CLYBL: variants seen among roughly 807,000 people sequenced by gnomAD.
CLYBL encodes the protein citramalyl-CoA lyase.
Under a neutral mutation model 38.9 loss-of-function variants are expected in CLYBL, and 31 were observed. The ratio of observed to expected loss-of-function variants is 0.80; its 90% CI spans 0.60 to 1.08. The LOEUF (loss-of-function observed/expected upper bound fraction) is 1.08, where lower values mean the gene tolerates loss of function less well. CLYBL is among the 50% of genes least tolerant of loss of function. CLYBL has a pLI of 0.00. For synonymous variants in CLYBL, 171 were observed against 158.6 expected (o/e 1.08, Z -0.59); for missense variants, 434 against 411.6 (o/e 1.05, Z -0.47).
At chr13:99,725,883 A>T (rs891899317) in intron 1 of CLYBL, among the ~76,000 whole-genome samples, 1 of 152,132 alleles carries the variant, frequency 6.6e-6, no homozygotes, top group Admixed American at 6.5e-5. Flanking sequence ...TCTCCTGTTA[A>T]TCCAGCTACT....
intron 1 of CLYBL, among the ~76,000 whole-genome samples, chr13:99,674,524 G>A (rs995312130): frequency 2.0e-5 from 3 of 152,066 alleles, no homozygotes; most frequent in Non-Finnish European, 4.4e-5. Flanking sequence ...GGAGATGTAC[G>A]TGTGGGAGCT....
intron 2 of CLYBL, among the ~76,000 whole-genome samples, chr13:99,783,688 G>A (rs1425925107): frequency 1.3e-5 from 2 of 151,054 alleles, no homozygotes; most frequent in Admixed American, 6.6e-5. Flanking sequence ...CTTATGATCC[G>A]CCCGCCTCGG....
Position 99,849,929 on chromosome 13 carries a change from A to C in CLYBL, c.250-8932A>C, listed in dbSNP as rs75574770. ...ATTTCATTGTATTTTGTTGAAAAAT[A>C]AGGTGTGAAAATACAAAACAAAAAT... On this transcript the variant is annotated intron_variant, in intron 2 of 8. Transcript: ENST00000339105. This position sits in a 1 kb window ranked among gnomAD's most constrained non-coding sequence, Gnocchi z 4.9. Among the ~76,000 whole-genome samples, 331 of 152,344 alleles carry C rather than the reference A, an allele frequency of 2.2e-3. 2 individuals are homozygous for C. The highest frequency in any genetic ancestry group is 7.5e-3 in the African/African-American group (313 of 41,586).
At chr13:99,611,293 A>G (rs1258384087) in intron 1 of CLYBL, among the ~76,000 whole-genome samples, 2 of 152,140 alleles carry the variant, frequency 1.3e-5, no homozygotes, top group African/African-American at 4.8e-5. Context: ...TTTATGGAGG[A>G]TAGGATTTTC....
In CLYBL at chr13:99,905,171, G is replaced by A. The variant is rs950653556; in HGVS notation, c.*25-99G>A. Among the ~76,000 whole-genome samples, 7 of 152,170 alleles carry A rather than the reference G, an allele frequency of 4.6e-5. No individual in the cohort carries two copies. The East Asian group carries it at 1.3e-3, about 29-fold the overall frequency. On this transcript the variant is annotated intron_variant and NMD_transcript_variant, in intron 8 of 9. Transcript: ENST00000689673. ...AGCTTTGATCACAACTATCTGCCTT[G>A]GGCTAAAAGACCTCTGGTTGGTCAC...
intron 2 of CLYBL, among the ~76,000 whole-genome samples, chr13:99,797,014 G>C (rs2050034625): frequency 6.6e-6 from 1 of 152,186 alleles, no homozygotes; most frequent in Non-Finnish European, 1.5e-5. Flanking sequence ...AATATTTTAT[G>C]AATAAATGGG....
At chr13:99,890,066 A>G (rs2052449111) in intron 7 of CLYBL, among the ~76,000 whole-genome samples, 1 of 152,188 alleles carries the variant, frequency 6.6e-6, no homozygotes, top group Admixed American at 6.5e-5. Context: ...AAAGAACACA[A>G]ATAACCAGAC....
intron 1 of CLYBL, among the ~76,000 whole-genome samples, chr13:99,712,134 G>A (rs1451073632): frequency 5.3e-5 from 8 of 152,158 alleles, no homozygotes. Flanking sequence ...GCAGGGGACA[G>A]AAACATTCTG....
intron 1 of CLYBL, among the ~76,000 whole-genome samples, chr13:99,761,386 AT>A (rs1194028735): frequency 6.6e-6 from 1 of 152,180 alleles, no homozygotes; most frequent in Non-Finnish European, 1.5e-5. Context: ...TCTTCACAAG[AT>A]TTGTATTTTT....
At chr13:99,695,979 G>A (rs539796766) in intron 1 of CLYBL, among the ~76,000 whole-genome samples, 2 of 152,232 alleles carry the variant, frequency 1.3e-5, no homozygotes, top group East Asian at 1.9e-4. Flanking sequence ...TGGGGATATC[G>A]TGTTCTGAGC....
intron 9 of CLYBL, among the ~76,000 whole-genome samples, chr13:99,906,492 C>T (rs949838396): frequency 1.9e-4 from 29 of 151,388 alleles, no homozygotes; most frequent in Admixed American, 1.3e-4. Flanking sequence ...GGCGCGATCT[C>T]GGCTCAATAC....
At chr13:99,770,381 A>G (rs1035194047) in intron 1 of CLYBL, among the ~76,000 whole-genome samples, 20 of 151,590 alleles carry the variant, frequency 1.3e-4, no homozygotes, top group Admixed American at 4.6e-4. Context: ...ACAGTGGCGC[A>G]ATCTTGGCTC....
At chr13:99,760,504 T>C (rs1248232966) in intron 1 of CLYBL, among the ~76,000 whole-genome samples, 1 of 152,262 alleles carries the variant, frequency 6.6e-6, no homozygotes, top group African/African-American at 2.4e-5. Flanking sequence ...ACAAACTCCC[T>C]TGGCTTTTTA....
intron 1 of CLYBL, among the ~76,000 whole-genome samples, chr13:99,615,950 C>T (rs1020342162): frequency 1.3e-5 from 2 of 152,192 alleles, no homozygotes; most frequent in African/African-American, 4.8e-5. Context: ...CCTCCTGCCT[C>T]AGCCTCCTGA....
At chr13:99,838,133 A>G (rs971507560) in intron 2 of CLYBL, among the ~76,000 whole-genome samples, 6 of 152,168 alleles carry the variant, frequency 3.9e-5, no homozygotes, top group African/African-American at 1.4e-4. Flanking sequence ...GTAAATATTA[A>G]GTTTCAGCTA....
intron 2 of CLYBL, among the ~76,000 whole-genome samples, chr13:99,786,962 GA>G (rs2049809129): frequency 6.6e-6 from 1 of 152,024 alleles, no homozygotes; most frequent in Admixed American, 6.5e-5. Context: ...GGCCAGTGAT[GA>G]TGAGCATTTT....
At chr13:99,732,828 T>A (rs975548830) in intron 1 of CLYBL, among the ~76,000 whole-genome samples, 5 of 152,204 alleles carry the variant, frequency 3.3e-5, no homozygotes, top group African/African-American at 1.2e-4. Flanking sequence ...TAAAAATACA[T>A]CCGCTTTCTT....
At chr13:99,633,255 T>C (rs1461785294) in intron 1 of CLYBL, among the ~76,000 whole-genome samples, 1 of 98,408 alleles carries the variant, frequency 1.0e-5, no homozygotes, top group East Asian at 3.3e-4. Flanking sequence ...AGAAAAGAAA[T>C]AAGGCCAGGT....
intron 1 of CLYBL, 75 bp downstream of exon 1, chr13:99,606,832 C>A: frequency 5.4e-6 from 7 of 1,300,144 alleles, no homozygotes; most frequent in Non-Finnish European, 6.8e-6. Flanking sequence ...GCCCCGCGGG[C>A]CGGGCGCGGC....
Sources: allele counts gnomAD v4.1 joint callset (sites outside exome capture counted in the v4.1 genomes callset), GRCh38; gene constraint gnomAD v4.1.1; non-coding constraint Gnocchi (gnomAD v3.1); transcripts MANE v1.5; gene names NCBI Gene and HGNC (gene_info 2026-07-23, HGNC 2026-07-21).